Variants in CATSPERE observed in about 807,000 individuals in gnomAD.
CATSPERE encodes the protein catsper channel auxiliary subunit epsilon.
In CATSPERE, 93 loss-of-function variants were observed where a neutral mutation model predicts 114.1. The ratio of observed to expected loss-of-function variants is 0.81; its 90% CI spans 0.69 to 0.97. The LOEUF is 0.97. Among genes scored for constraint, CATSPERE ranks in the 50% least tolerant of loss-of-function variants. The pLI, the probability that CATSPERE is intolerant of heterozygous loss-of-function variation, is 0.00. For missense variants in CATSPERE, 1,058 were observed against 1,131.6 expected (o/e 0.93, Z 0.93); for synonymous variants, 341 against 384.1 (o/e 0.89, Z 1.31).
upstream of CATSPERE, among the ~76,000 whole-genome samples, chr1:244,453,125 T>A (rs1298134389): frequency 6.6e-6 from 1 of 152,206 alleles, no homozygotes; most frequent in African/African-American, 2.4e-5. Flanking sequence ...AAAGATACAA[T>A]TCAGCCCTCA....
chr1:244,497,856 G>A (rs1298948659), intron 6 of CATSPERE, among the ~76,000 whole-genome samples: 2 of 151,924 alleles, frequency 1.3e-5, no homozygotes, highest in South Asian at 4.2e-4. Flanking sequence ...TCATCCATCA[G>A]ACTGGCAGTA....
chr1:244,610,613 G>C, intron 19 of CATSPERE: 1 of 475,578 alleles, frequency 2.1e-6, no homozygotes, highest in Non-Finnish European at 3.9e-6. Context: ...GTGAGTCTTT[G>C]TAAAGACGAC....
chr1:244,497,738 A>G (rs1013723799), intron 6 of CATSPERE, among the ~76,000 whole-genome samples: 2 of 152,226 alleles, frequency 1.3e-5, no homozygotes, highest in African/African-American at 4.8e-5. Flanking sequence ...TGGAGGTTGC[A>G]GTGAGGTGAG....
At chr1:244,577,847 C>T (rs992210353) in intron 11 of CATSPERE, among the ~76,000 whole-genome samples, 1 of 152,038 alleles carries the variant, frequency 6.6e-6, no homozygotes, top group African/African-American at 2.4e-5. Flanking sequence ...AACAAAAAGG[C>T]ATTATACGTA....
At chr1:244,591,196 A>G (rs1349593124) in intron 14 of CATSPERE, among the ~76,000 whole-genome samples, 2 of 152,222 alleles carry the variant, frequency 1.3e-5, no homozygotes, top group Non-Finnish European at 2.9e-5. Context: ...TTTAAAATAC[A>G]TTGTGGACTG....
intron 10 of CATSPERE, among the ~76,000 whole-genome samples, chr1:244,562,889 C>A (rs1292824294): frequency 6.6e-6 from 1 of 152,146 alleles, no homozygotes; most frequent in Non-Finnish European, 1.5e-5. Flanking sequence ...CCCCTACCCT[C>A]CCAACCCCTG....
At chr1:244,461,083 T>TTTTC (rs1404032468), upstream of CATSPERE, among the ~76,000 whole-genome samples, 1 of 84,634 alleles carries the variant, frequency 1.2e-5, no homozygotes, top group East Asian at 3.9e-4. Context: ...GGATTTTTCT[T>TTTTC]TTTCTTTCCT....
intron 8 of CATSPERE, among the ~76,000 whole-genome samples, chr1:244,529,471 G>A (rs771800945): frequency 6.6e-6 from 1 of 152,068 alleles, no homozygotes; most frequent in Non-Finnish European, 1.5e-5. Context: ...CTTCACCTAA[G>A]AAATGTCTAT....
chr1:244,616,119 A>G (rs1323917865), intron 19 of CATSPERE, among the ~76,000 whole-genome samples: 1 of 152,000 alleles, frequency 6.6e-6, no homozygotes, highest in Non-Finnish European at 1.5e-5. Context: ...TCAGAGCGAG[A>G]CTCCATCCCT....
At chr1:244,615,109 G>T (rs1221345549) in intron 19 of CATSPERE, among the ~76,000 whole-genome samples, 1 of 151,854 alleles carries the variant, frequency 6.6e-6, no homozygotes, top group African/African-American at 2.4e-5. Flanking sequence ...ATGTCCTGGG[G>T]TTGGGAACAA....
intron 17 of CATSPERE, among the ~76,000 whole-genome samples, chr1:244,605,050 C>T (rs1054913280): frequency 2.6e-5 from 4 of 152,196 alleles, no homozygotes; most frequent in Non-Finnish European, 5.9e-5. Context: ...CAGGCTACGT[C>T]TGCTTCTCAG....
At chr1:244,457,436 T>C (rs149792057), upstream of CATSPERE, 2 of 152,352 alleles carry the variant, frequency 1.3e-5, no homozygotes, top group Admixed American at 1.3e-4. Context: ...AGATGATTTT[T>C]ATGTAATGTT....
Position 244,536,220 on chromosome 1 carries a change from G to C in CATSPERE, c.537-16102G>C, listed in dbSNP as rs141829098. On this transcript the variant is annotated intron_variant, in intron 8 of 21. Coordinates refer to ENST00000366534, the MANE Select transcript of CATSPERE (RefSeq NM_001130957.2). ...TCATAGCTGTGAGCTGTGCTGCCTA[G>C]TGTTGGGGAGGGGTGGCACAAGCAC... is the stretch of plus-strand genomic sequence containing the variant. Among the ~76,000 whole-genome samples the C allele has an allele frequency of 4.0e-3, 603 of 152,002 alleles. 2 individuals are homozygous for C. The highest frequency in any genetic ancestry group is 0.01 in the Middle Eastern group (3 of 294).
At chr1:244,477,784 A>C in intron 3 of CATSPERE, 122 bp from the exon 4 acceptor site, 1 of 966,204 alleles carries the variant, frequency 1.0e-6, no homozygotes. Context: ...AAATATTGCA[A>C]ATATTTAAAA....
At position 244,586,525 on chromosome 1, in the gene CATSPERE, C is replaced by G. The variant is rs555156944; in HGVS notation, c.2086-1957C>G. Among the ~76,000 whole-genome samples the G allele has an allele frequency of 3.4e-4, 52 of 152,266 alleles. 1 individual carries two copies. The highest frequency in any genetic ancestry group is 1.2e-3 in the African/African-American group (50 of 41,546). ...TGTGGTTGGGAGAACAAATCAGGCCCTGTGCTTGAAGTCAAGTGGTCCAGG... is the reference window on the plus strand; with the variant it reads ...TGTGGTTGGGAGAACAAATCAGGCCGTGTGCTTGAAGTCAAGTGGTCCAGG... On this transcript the variant is annotated intron_variant, in intron 13 of 21. Coordinates refer to ENST00000366534, the MANE Select transcript of CATSPERE (RefSeq NM_001130957.2).
rs753347304 is a variant in CATSPERE, at chr1:244,490,471, G to C, written c.351G>C (p.Gln117His). ...RVRHFFNNFTQLITVWAYDPE... is the reference protein window; with the variant it reads ...RVRHFFNNFTHLITVWAYDPE... ...GACATTTCTTTAACAACTTTACCCA[G>C]GTAAAATATTTTTTAAATTTTGTAT... Residue 117 changes from glutamine (Q) to histidine (H), a missense_variant and splice_region_variant, in exon 6 of 22, where the codon CAG (glutamine) becomes CAC (histidine). Transcript: ENST00000366534. 4 of 1,513,332 alleles carry C rather than the reference G, an allele frequency of 2.6e-6. No individual in the cohort carries two copies. The highest frequency in any genetic ancestry group is 3.7e-6 in the Non-Finnish European group (4 of 1,095,752). The allele number at this position is 1,513,332 out of a possible 1,614,324, so 93.7% of individuals were successfully genotyped here. A position where few individuals can be genotyped will look rare whatever the true frequency, so the allele number is the denominator to read the frequency against.
chr1:244,541,349 C>A (rs1419765716), intron 8 of CATSPERE, among the ~76,000 whole-genome samples: 2 of 149,720 alleles, frequency 1.3e-5, no homozygotes, highest in South Asian at 2.1e-4. Context: ...GGGCGAAGGA[C>A]ATGAACAGGC....
At chr1:244,553,580 CA>C (rs1179306708) in intron 9 of CATSPERE, among the ~76,000 whole-genome samples, 295 of 27,012 alleles carry the variant, frequency 0.011, 2 homozygotes, top group African/African-American at 0.029. Context: ...GACCCCGTCT[CA>C]AAAAAAAAAA....
intron 13 of CATSPERE, among the ~76,000 whole-genome samples, chr1:244,587,654 T>C (rs12097511): frequency 0.18 from 27,176 of 152,222 alleles, 3,416 homozygotes; most frequent in East Asian, 0.39. Context: ...AGGACAGTGG[T>C]TTAATAGTTA....
Sources: gnomAD v4.1 joint callset for allele counts (sites outside exome capture counted in the v4.1 genomes callset) on GRCh38, gnomAD v4.1.1 for gene constraint, MANE v1.5 for transcripts, NCBI Gene and HGNC (gene_info 2026-07-23, HGNC 2026-07-21) for gene names.